The following USP40 variants were observed in gnomAD, a reference collection of about 807,000 sequenced individuals.
USP40 encodes ubiquitin carboxyl-terminal hydrolase 40.
Under a neutral mutation model 166.2 loss-of-function variants are expected in USP40, and 143 were observed. The ratio of observed to expected loss-of-function variants is 0.86; its 90% CI spans 0.75 to 0.99. The LOEUF is 0.99. USP40 is among the 50% of genes least tolerant of loss of function. The pLI is 0.00. For synonymous variants in USP40, 498 were observed against 524.0 expected, an observed-to-expected ratio of 0.95 and a Z score of 0.68; for missense variants, 1,444 against 1,479.7, an observed-to-expected ratio of 0.98 and a Z score of 0.40.
intron 5 of USP40, among the ~76,000 whole-genome samples, chr2:233,554,872 T>C (rs1469958806): frequency 2.0e-5 from 3 of 152,208 alleles, no homozygotes; most frequent in Non-Finnish European, 4.4e-5. Context: ...TGTTTTAGAC[T>C]AGACTATAAG....
At chr2:233,540,278 T>C (rs1432954708) in intron 10 of USP40, among the ~76,000 whole-genome samples, 1 of 152,112 alleles carries the variant, frequency 6.6e-6, no homozygotes, top group East Asian at 1.9e-4. Context: ...GATAATGAGA[T>C]ATTTTGAACA....
chr2:233,529,818 T>A (rs1439590738), intron 11 of USP40, among the ~76,000 whole-genome samples: 1 of 148,306 alleles, frequency 6.7e-6, no homozygotes, highest in Non-Finnish European at 1.5e-5. Context: ...CTTTTTCTTT[T>A]TTTTTTTGAG....
Position 233,533,462 on chromosome 2 carries a change from C to T in USP40, c.1471+17G>A, listed in dbSNP as rs1250186998. 1 of 1,598,604 alleles carries T rather than the reference C, an allele frequency of 6.3e-7. No individual in the cohort carries two copies. The highest frequency in any genetic ancestry group is 8.5e-7 in the Non-Finnish European group (1 of 1,171,672). On this transcript the variant is annotated intron_variant, in intron 11 of 31. Transcript: ENST00000678225. Reference sequence around the variant, plus strand: ...AGCCATTAACTGAAACAAATAGGAACATTTTTCTTTCCATACCTTCAGGGG... The same window carrying T: ...AGCCATTAACTGAAACAAATAGGAATATTTTTCTTTCCATACCTTCAGGGG...
At chr2:233,560,896 T>C in intron 3 of USP40, 1 of 614,554 alleles carries the variant, frequency 1.6e-6, no homozygotes, top group Non-Finnish European at 3.0e-6. Flanking sequence ...CTGCAAATAT[T>C]TCCTTCACCA....
intron 30 of USP40, among the ~76,000 whole-genome samples, chr2:233,482,994 G>A (rs761172607): frequency 6.6e-5 from 10 of 152,066 alleles, no homozygotes; most frequent in Non-Finnish European, 1.3e-4. Flanking sequence ...CTTCTCTATT[G>A]GGTTATTTTT....
Position 233,494,954 on chromosome 2 carries a change from ATTT to A in USP40, c.2791-1406_2791-1404del, listed in dbSNP as rs1559224335. 1.9e-4 allele frequency among the ~76,000 whole-genome samples: 5 copies of A among 26,992 alleles called. No homozygotes were observed. The East Asian group carries it at 4.5e-3, about 25-fold the overall frequency. 17.7% of individuals were successfully genotyped at this position (26,992 alleles called of 152,430 possible). Reference sequence around the variant, plus strand: ...TATATATATATATATATATATATATATTTATATATATATATATATATATATACA... The same window carrying A: ...TATATATATATATATATATATATATAATATATATATATATATATATATACA... On this transcript the variant is annotated intron_variant, in intron 24 of 31. Transcript: ENST00000678225.
chr2:233,512,267 T>G (rs2066891629), intron 19 of USP40: 1 of 206,330 alleles, frequency 4.8e-6, no homozygotes. Context: ...GGTATCGCAA[T>G]AAAATTCACA....
intron 8 of USP40, among the ~76,000 whole-genome samples, chr2:233,544,114 G>A (rs2069677360): frequency 6.6e-6 from 1 of 152,088 alleles, no homozygotes; most frequent in Non-Finnish European, 1.5e-5. Flanking sequence ...CTTCTGCCTG[G>A]CTGATTACAA....
rs138445578 is a variant in USP40 at position 233,526,819 on chromosome 2, A to G, written c.1725+588T>C. Among the ~76,000 whole-genome samples, 677 of 152,278 alleles carry G rather than the reference A, an allele frequency of 4.4e-3. 8 individuals are homozygous for G. The highest frequency in any genetic ancestry group is 0.015 in the African/African-American group (636 of 41,560). ...CTGCCTCAACTTCAAAATGGGGCTA[A>G]TGTGTCTTCATGAGATTAAAGAACC... is the stretch of plus-strand genomic sequence containing the variant. On this transcript the variant is annotated intron_variant, in intron 13 of 31. Coordinates refer to ENST00000678225, the MANE Select transcript of USP40 (RefSeq NM_001365479.2).
At chr2:233,526,452 C>T (rs888194372) in intron 13 of USP40, among the ~76,000 whole-genome samples, 2 of 152,002 alleles carry the variant, frequency 1.3e-5, no homozygotes, top group African/African-American at 4.8e-5. Context: ...TATTAGACAA[C>T]TTTAGAAATC....
intron 11 of USP40, among the ~76,000 whole-genome samples, chr2:233,533,270 G>A (rs1422279705): frequency 6.6e-6 from 1 of 152,228 alleles, no homozygotes; most frequent in East Asian, 1.9e-4. Context: ...TTATTACAGG[G>A]TAGAAAATTA....
intron 13 of USP40, 53 bp from the exon 14 acceptor site, chr2:233,525,615 T>C (rs2067968174): frequency 5.1e-6 from 7 of 1,380,332 alleles, no homozygotes; most frequent in Non-Finnish European, 7.1e-6. Context: ...CATATACATA[T>C]CACCTTTCCA....
At chr2:233,541,101 G>A (rs151298905) in intron 9 of USP40, among the ~76,000 whole-genome samples, 1 of 152,192 alleles carries the variant, frequency 6.6e-6, no homozygotes, top group Admixed American at 6.5e-5. Context: ...CAAGAATTTT[G>A]GAAGAGATAC....
At chr2:233,557,087 CATT>C (rs1559285658) in intron 4 of USP40, 68 bp from the exon 5 acceptor site, 8 of 1,385,772 alleles carry the variant, frequency 5.8e-6, no homozygotes, top group Middle Eastern at 1.8e-4. Context: ...AAAAAACAAA[CATT>C]AGTCAATAAA....
Position 233,476,645 on chromosome 2 carries a change from C to G in USP40, c.*747G>C, listed in dbSNP as rs1276657043. 1 of 152,952 alleles carries G rather than the reference C, an allele frequency of 6.5e-6. No homozygotes were observed. Among genetic ancestry groups the G allele is most frequent in the African/African-American group, 2.4e-5 (1 of 41,468 alleles). The allele number at this position is 152,952 out of a possible 1,614,324, so 9.5% of individuals were successfully genotyped here. On this transcript the variant is annotated 3_prime_UTR_variant, in exon 32 of 32. Coordinates refer to ENST00000678225, the MANE Select transcript of USP40 (RefSeq NM_001365479.2). ...GCTGAGGCGCTGTGGACGGCAGCAG[C>G]TGCAGTCCTCGGGATCCAAGGACCT...
rs1305766459 is a variant in USP40, at chr2:233,566,676, G to C, written c.-20+8C>G. 1 of 985,894 alleles carries C rather than the reference G, an allele frequency of 1.0e-6. No homozygotes were observed. The highest frequency in any genetic ancestry group is 1.2e-6 in the Non-Finnish European group (1 of 829,972). The allele number at this position is 985,894 out of a possible 1,614,324, so 61.1% of individuals were successfully genotyped here. A position where few individuals can be genotyped will look rare whatever the true frequency, so the allele number is the denominator to read the frequency against. On this transcript the variant is annotated splice_region_variant and intron_variant, in intron 1 of 31. Transcript: ENST00000678225. ...CTCCCAGGATCCCCGGGCGCCAGCC[G>C]CACTTACTGCCTAAAGCCCAGACCC...
rs368773962 is a variant in USP40, at chr2:233,535,927, T to C, written c.1171-2148A>G. Among the ~76,000 whole-genome samples, 7 of 152,206 alleles carry C rather than the reference T, an allele frequency of 4.6e-5. No individual in the cohort carries two copies. In the East Asian group the frequency reaches 1.3e-3, roughly 29 times the overall value. ...CACAAAAAATAAGTATTTGAGATGATGGATATGTTCATTAGATTTTTCTGT... is the reference window on the plus strand; with the variant it reads ...CACAAAAAATAAGTATTTGAGATGACGGATATGTTCATTAGATTTTTCTGT... On this transcript the variant is annotated intron_variant, in intron 10 of 31. Transcript: ENST00000678225.
chr2:233,530,694 T>C (rs2068448952), intron 11 of USP40, among the ~76,000 whole-genome samples: 2 of 152,234 alleles, frequency 1.3e-5, no homozygotes, highest in Non-Finnish European at 2.9e-5. Flanking sequence ...TTCTTCTTTT[T>C]GATTACAGGT....
At chr2:233,516,099 C>T (rs914549197) in intron 18 of USP40, among the ~76,000 whole-genome samples, 8 of 152,112 alleles carry the variant, frequency 5.3e-5, no homozygotes, top group Non-Finnish European at 7.4e-5. Flanking sequence ...TTTACTAGTG[C>T]GAAAACCATT....
Sources: allele counts gnomAD v4.1 joint callset (sites outside exome capture counted in the v4.1 genomes callset), GRCh38; gene constraint gnomAD v4.1.1; transcripts MANE v1.5; gene names NCBI Gene and HGNC (gene_info 2026-07-23, HGNC 2026-07-21).